Variants in NEK4 observed in about 807,000 individuals in gnomAD.
The protein encoded by NEK4 is serine/threonine-protein kinase Nek4.
A neutral mutation model predicts 98.4 loss-of-function variants in NEK4; 86 were observed. The ratio of observed to expected loss-of-function variants is 0.87; its 90% CI spans 0.73 to 1.05. The LOEUF is 1.05. Ranked by LOEUF, NEK4 falls within the 50% of genes least tolerant of loss-of-function variation. The probability of loss-of-function intolerance (pLI) is 0.00; values close to 1 mark genes in which losing one functional copy is unlikely to be tolerated. For missense variants in NEK4, 898 were observed against 950.3 expected, an observed-to-expected ratio of 0.94 and a Z score of 0.72; for synonymous variants, 328 against 342.2, an observed-to-expected ratio of 0.96 and a Z score of 0.46.
chr3:52,744,322 CAG>C lies in NEK4; in HGVS notation c.1828-19_1828-18del, dbSNP rs774980468. Reference sequence around the variant, plus strand: ...TGGTCGATCCTTTAAAAGAAAGTCACAGAGTCACTTCCATTCCTACTTGCTAT... The same window carrying C: ...TGGTCGATCCTTTAAAAGAAAGTCACAGTCACTTCCATTCCTACTTGCTAT... On this transcript the variant is annotated intron_variant, in intron 10 of 15. Coordinates refer to ENST00000233027, the MANE Select transcript of NEK4 (RefSeq NM_003157.6). The C allele has an allele frequency of 4.4e-5, 70 of 1,593,490 alleles. No individual in the cohort carries two copies. The highest frequency in any genetic ancestry group is 1.1e-4 in the African/African-American group (8 of 73,558).
At chr3:52,712,186 CATAG>C (rs765915963) in intron 15 of NEK4, among the ~76,000 whole-genome samples, 1 of 152,194 alleles carries the variant, frequency 6.6e-6, no homozygotes, top group Non-Finnish European at 1.5e-5. Context: ...AAATCAATTT[CATAG>C]ATAATTCAGC....
chr3:52,721,663 G>T (rs2097360225), intron 15 of NEK4, among the ~76,000 whole-genome samples: 1 of 151,418 alleles, frequency 6.6e-6, no homozygotes, highest in South Asian at 2.1e-4. Flanking sequence ...TTAAGTCCAG[G>T]ACGCAAAGGC....
chr3:52,749,712 C>A lies in NEK4; in HGVS notation c.1486G>T (p.Gly496Cys). 4.1e-6 allele frequency: 1 copy of A among 245,302 alleles called. No homozygotes were observed. The highest frequency in any genetic ancestry group is 8.4e-6 in the Non-Finnish European group (1 of 119,442). 15.2% of individuals were successfully genotyped at this position (245,302 alleles called of 1,614,324 possible). The change falls in exon 8 of 16, where the codon GGC becomes TGC. Residue 496 changes from glycine (G) to cysteine (C), a missense_variant. By Grantham distance (159) the Gly-to-Cys change is radical. Transcript: ENST00000233027. ...ATTACCTGGGCGTGGTGGCACACGC[C>A]TGTAATCCCAGCTACTCGGGAGGCT... Reference protein sequence around the residue: ...ASASRVAGITGVCHHAQDQVA... With the variant: ...ASASRVAGITCVCHHAQDQVA...
intron 15 of NEK4, among the ~76,000 whole-genome samples, chr3:52,729,938 T>C (rs4687549): frequency 0.34 from 51,354 of 151,418 alleles, 9,700 homozygotes; most frequent in Admixed American, 0.46. Flanking sequence ...TGAAACCCCA[T>C]CTCTACTAAA....
At chr3:52,726,105 G>A (rs2097364241) in intron 15 of NEK4, among the ~76,000 whole-genome samples, 1 of 152,066 alleles carries the variant, frequency 6.6e-6, no homozygotes, top group Non-Finnish European at 1.5e-5. Context: ...ATTAAAAAAA[G>A]GTTACAAGAG....
intron 15 of NEK4, among the ~76,000 whole-genome samples, chr3:52,735,293 G>A (rs190821861): frequency 7.2e-5 from 11 of 152,296 alleles, no homozygotes; most frequent in Admixed American, 3.3e-4. Flanking sequence ...TTGTTAGAGC[G>A]AAATTTATTT....
intron 15 of NEK4, among the ~76,000 whole-genome samples, chr3:52,719,278 T>A (rs992037889): frequency 6.6e-6 from 1 of 152,204 alleles, no homozygotes; most frequent in Non-Finnish European, 1.5e-5. Flanking sequence ...TCATTGGAGA[T>A]GTAAACTAAA....
At chr3:52,717,475 T>C (rs1305175552) in intron 15 of NEK4, among the ~76,000 whole-genome samples, 5 of 151,332 alleles carry the variant, frequency 3.3e-5, no homozygotes, top group Non-Finnish European at 7.4e-5. Flanking sequence ...GAAGATTCCA[T>C]GTTAGTGAAA....
At chr3:52,748,174 A>G (rs1301418187) in intron 8 of NEK4, among the ~76,000 whole-genome samples, 1 of 148,848 alleles carries the variant, frequency 6.7e-6, no homozygotes, top group Non-Finnish European at 1.5e-5. Flanking sequence ...TCACTGTGTT[A>G]GCCAGGATGG....
chr3:52,711,925 G>C, intron 15 of NEK4, 56 bp from the exon 16 acceptor site: 1 of 990,626 alleles, frequency 1.0e-6, no homozygotes, highest in South Asian at 1.6e-5. Context: ...AAATATTTCT[G>C]TAATCTTAGA....
intron 6 of NEK4, 93 bp from the exon 7 acceptor site, chr3:52,752,429 A>G: frequency 8.1e-7 from 1 of 1,235,292 alleles, no homozygotes; most frequent in Non-Finnish European, 1.1e-6. Context: ...TCAAAAAGTT[A>G]AACATAGAAT....
chr3:52,766,216 T>A lies in NEK4; in HGVS notation c.520A>T (p.Ser174Cys), dbSNP rs772215659. Residue 174 changes from serine (S) to cysteine (C), a missense_variant, in exon 3 of 16, where the codon AGC becomes TGC. Ser to Cys is a moderately radical substitution (Grantham distance 112). Transcript: ENST00000233027. ...STLIGTPYYM[S>C]PELFSNKPYN... is the part of the protein sequence containing the mutation. ...GGTTTGTTTGAGAACAATTCAGGGC[T>A]CATGTAGTAGGGTGTGCCAATGAGG... 6.2e-6 allele frequency: 10 copies of A among 1,614,140 alleles called. No individual in the cohort carries two copies. The East Asian group carries it at 2.0e-4, about 32-fold the overall frequency.
At chr3:52,724,668 TG>T (rs1287562670) in intron 15 of NEK4, among the ~76,000 whole-genome samples, 1 of 151,814 alleles carries the variant, frequency 6.6e-6, no homozygotes. Flanking sequence ...AGGCGAAGGG[TG>T]GGGAGAATGG....
chr3:52,734,823 T>C, intron 15 of NEK4: 1 of 307,656 alleles, frequency 3.3e-6, no homozygotes, highest in South Asian at 3.4e-5. Context: ...GAGCCTCTCA[T>C]TCAGCAAGAG....
At chr3:52,762,825 G>C (rs1324861370) in intron 5 of NEK4, among the ~76,000 whole-genome samples, 3 of 151,964 alleles carry the variant, frequency 2.0e-5, no homozygotes, top group Non-Finnish European at 1.5e-5. Context: ...AGGTTGCAGT[G>C]AGCTGAGATC....
At chr3:52,713,667 G>A (rs2097352416) in intron 15 of NEK4, among the ~76,000 whole-genome samples, 3 of 152,096 alleles carry the variant, frequency 2.0e-5, no homozygotes, top group Middle Eastern at 3.4e-3. Flanking sequence ...GGTGGCGCAT[G>A]CCTGTAATCC....
chr3:52,763,252 T>G (rs1559448877), intron 5 of NEK4, among the ~76,000 whole-genome samples: 1 of 152,260 alleles, frequency 6.6e-6, no homozygotes, highest in Non-Finnish European at 1.5e-5. Context: ...TAAAGAAATC[T>G]ACATGCTTTT....
rs578196055 is a variant in NEK4 at position 52,718,784 on chromosome 3, G to A, written c.2434-6915C>T. On this transcript the variant is annotated intron_variant, in intron 15 of 15. Transcript: ENST00000233027. Reference sequence around the variant, plus strand: ...GCCCTTTTTTTTGAGACGGAGTTCCGCTCTCGTTGCCCAGGCTGGAGTGCA... The same window carrying A: ...GCCCTTTTTTTTGAGACGGAGTTCCACTCTCGTTGCCCAGGCTGGAGTGCA... Among the ~76,000 whole-genome samples the A allele has an allele frequency of 7.9e-5, 12 of 152,130 alleles. No homozygotes were observed. In the East Asian group the frequency reaches 1.6e-3, roughly 20 times the overall value.
intron 6 of NEK4, among the ~76,000 whole-genome samples, chr3:52,752,606 T>C (rs1180348360): frequency 2.0e-5 from 3 of 151,748 alleles, no homozygotes. Flanking sequence ...ATAAACAAAA[T>C]GTGGTAAATA....
Sources: gnomAD v4.1 joint callset for allele counts (sites outside exome capture counted in the v4.1 genomes callset) on GRCh38, gnomAD v4.1.1 for gene constraint, MANE v1.5 for transcripts, NCBI Gene and HGNC (gene_info 2026-07-23, HGNC 2026-07-21) for gene names.